The following EYS variants were observed in gnomAD, a reference collection of about 807,000 sequenced individuals.
EYS encodes the protein EGF-like photoreceptor maintenance factor, also known as protein eyes shut homolog.
EYS carries 250 observed loss-of-function variants against 282.1 expected under a neutral mutation model. That is an observed-to-expected ratio of 0.89 (90% confidence interval 0.80 to 0.98). The LOEUF is 0.98. Among genes scored for constraint, EYS ranks in the 50% least tolerant of loss-of-function variants. The pLI is 0.00. For synonymous variants in EYS, 1,355 were observed against 1,282.9 expected (o/e 1.06, Z -1.20); for missense variants, 4,016 against 3,709.0 (o/e 1.08, Z -2.15).
intron 31 of EYS, among the ~76,000 whole-genome samples, chr6:64,159,097 A>G (rs1307454568): frequency 1.3e-5 from 2 of 152,178 alleles, no homozygotes; most frequent in Non-Finnish European, 2.9e-5. Flanking sequence ...ACAAATCCCC[A>G]AATCCCTGGA....
At position 65,685,544 on chromosome 6, in the gene EYS, G is replaced by A. The variant is rs187892352; in HGVS notation, c.-448+21591C>T. On this transcript the variant is annotated intron_variant, in intron 1 of 42. Coordinates refer to ENST00000503581, the MANE Select transcript of EYS (RefSeq NM_001142800.2). Reference sequence around the variant, plus strand: ...AGAGTATAATTGAAGGCAAGGTCTGGAGAAAAGTAAAGTATTTTCCTATTT... The same window carrying A: ...AGAGTATAATTGAAGGCAAGGTCTGAAGAAAAGTAAAGTATTTTCCTATTT... Among the ~76,000 whole-genome samples the A allele has an allele frequency of 8.5e-5, 13 of 152,138 alleles. No individual in the cohort carries two copies. In the East Asian group the frequency reaches 1.9e-3, roughly 23 times the overall value.
At chr6:65,148,099 C>A (rs1764522732) in intron 12 of EYS, among the ~76,000 whole-genome samples, 1 of 152,034 alleles carries the variant, frequency 6.6e-6, no homozygotes, top group Non-Finnish European at 1.5e-5. Context: ...CCACCCCCAG[C>A]CCATCCCAAA....
intron 31 of EYS, among the ~76,000 whole-genome samples, chr6:64,206,541 G>T (rs1416806527): frequency 1.3e-5 from 2 of 152,116 alleles, no homozygotes; most frequent in Non-Finnish European, 2.9e-5. Flanking sequence ...TTTGCAACCT[G>T]AGAATTGATT....
chr6:64,159,547 G>A (rs1775036844), intron 31 of EYS, among the ~76,000 whole-genome samples: 2 of 125,520 alleles, frequency 1.6e-5, no homozygotes, highest in South Asian at 2.8e-4. Flanking sequence ...GCGACAGAGC[G>A]AGACTCTGTC....
intron 41 of EYS, among the ~76,000 whole-genome samples, chr6:63,741,636 T>G (rs533312685): frequency 6.6e-6 from 1 of 152,350 alleles, no homozygotes; most frequent in African/African-American, 2.4e-5. Context: ...TCCCCTGTGA[T>G]TCCCCTTTGG....
rs1005446623 is a variant in EYS, at chr6:64,732,234, A to C, written c.3443+81144T>G. On this transcript the variant is annotated intron_variant, in intron 22 of 42. Coordinates refer to ENST00000503581, the MANE Select transcript of EYS (RefSeq NM_001142800.2). The stretch of plus-strand genomic sequence containing the variant: ...TGGTGATGGGTTGCTGGGTGCAGCA[A>C]ACCACCGTGGCACGTGTATACCTAT... Among the ~76,000 whole-genome samples, 11 of 138,316 alleles carry C rather than the reference A, an allele frequency of 8.0e-5. No homozygotes were observed. The South Asian group carries it at 2.3e-3, about 29-fold the overall frequency. The allele number at this position is 138,316 out of a possible 152,430, so 90.7% of individuals were successfully genotyped here. A position where few individuals can be genotyped will look rare whatever the true frequency, so the allele number is the denominator to read the frequency against.
At chr6:65,098,317 C>A (rs141123932) in intron 12 of EYS, among the ~76,000 whole-genome samples, 2,298 of 150,766 alleles carry the variant, frequency 0.015, 36 homozygotes, top group Non-Finnish European at 0.024. Flanking sequence ...GGAGATGTCA[C>A]TCCTATAGCC....
chr6:64,670,052 G>A (rs1769391578), intron 22 of EYS, among the ~76,000 whole-genome samples: 1 of 151,958 alleles, frequency 6.6e-6, no homozygotes. Context: ...CCAGGATCCG[G>A]GAGCCACCCT....
chr6:63,762,581 T>C lies in EYS; in HGVS notation c.7951A>G (p.Thr2651Ala). 2.6e-6 allele frequency: 4 copies of C among 1,550,426 alleles called. No homozygotes were observed. The highest frequency in any genetic ancestry group is 3.5e-6 in the Non-Finnish European group (4 of 1,146,126). The change falls in exon 41 of 43, where the codon ACC becomes GCC. Residue 2651 changes from threonine (T) to alanine (A), a missense_variant. By Grantham distance (58) the Thr-to-Ala change is moderately conservative. Coordinates refer to ENST00000503581, the MANE Select transcript of EYS (RefSeq NM_001142800.2). The stretch of plus-strand genomic sequence containing the variant: ...GGAGGGTCATGTTCAGGATCACAGG[T>C]AGAAACTGTCTCTGTGCAGAATGAT... ...KGSFCTETVS[T>A]CDPEHDPPHH...
chr6:64,845,838 A>G (rs1427686912), intron 19 of EYS, among the ~76,000 whole-genome samples: 1 of 152,050 alleles, frequency 6.6e-6, no homozygotes, highest in African/African-American at 2.4e-5. Context: ...TTTCCTCCCT[A>G]TGTAAATTAC....
At chr6:63,968,803 A>G (rs1766423186) in intron 35 of EYS, among the ~76,000 whole-genome samples, 1 of 152,204 alleles carries the variant, frequency 6.6e-6, no homozygotes, top group Admixed American at 6.5e-5. Context: ...CCACTCAGCC[A>G]TGCTAGGCAG....
At chr6:64,034,358 C>T (rs957000389) in intron 33 of EYS, among the ~76,000 whole-genome samples, 1 of 152,132 alleles carries the variant, frequency 6.6e-6, no homozygotes, top group African/African-American at 2.4e-5. Flanking sequence ...CTCATAACCT[C>T]CAGATGTAGG....
chr6:64,950,786 C>CATATAT (rs1212190228), intron 14 of EYS, among the ~76,000 whole-genome samples: 1 of 84,864 alleles, frequency 1.2e-5, no homozygotes, highest in Non-Finnish European at 2.1e-5. Flanking sequence ...AATATATACA[C>CATATAT]ATATACATAT....
intron 12 of EYS, among the ~76,000 whole-genome samples, chr6:65,252,193 G>T (rs1767345232): frequency 6.6e-6 from 1 of 151,942 alleles, no homozygotes; most frequent in South Asian, 2.1e-4. Context: ...GCACAGGGGA[G>T]ATGGCAGAGG....
rs145824178 is a variant in EYS, at chr6:64,069,637, A to G, written c.6572-3146T>C. Among the ~76,000 whole-genome samples the G allele has an allele frequency of 9.3e-3, 1,414 of 152,200 alleles. 24 individuals are homozygous for G. Among genetic ancestry groups the G allele is most frequent in the African/African-American group, 0.031 (1,299 of 41,522 alleles). On this transcript the variant is annotated intron_variant, in intron 32 of 42. Transcript: ENST00000503581. ...TGTAGATACAAAGATTGATATATGG[A>G]TAGATAGGTAGAATTTCTTAAAATA...
chr6:64,362,537 A>G (rs952822554), intron 29 of EYS, among the ~76,000 whole-genome samples: 2 of 151,846 alleles, frequency 1.3e-5, no homozygotes, highest in Admixed American at 1.3e-4. Flanking sequence ...ATTTCATAGT[A>G]AATATGCAGA....
intron 14 of EYS, among the ~76,000 whole-genome samples, chr6:64,974,558 C>T (rs1770410880): frequency 6.6e-6 from 1 of 151,766 alleles, no homozygotes; most frequent in Non-Finnish European, 1.5e-5. Flanking sequence ...TTTCCAAATA[C>T]AATGTTTTTC....
intron 29 of EYS, among the ~76,000 whole-genome samples, chr6:64,326,886 C>T (rs1231226450): frequency 6.6e-6 from 1 of 152,120 alleles, no homozygotes; most frequent in East Asian, 1.9e-4. Context: ...CCCATAAAGA[C>T]AGAAGGGGAG....
intron 31 of EYS, among the ~76,000 whole-genome samples, chr6:64,146,006 C>G (rs1165872487): frequency 1.3e-5 from 2 of 151,960 alleles, no homozygotes; most frequent in African/African-American, 2.4e-5. Context: ...TAGTGTAACT[C>G]TAACTTAAAA....
Sources: allele counts gnomAD v4.1 joint callset (sites outside exome capture counted in the v4.1 genomes callset), GRCh38; gene constraint gnomAD v4.1.1; transcripts MANE v1.5; gene names NCBI Gene and HGNC (gene_info 2026-07-23, HGNC 2026-07-21).